SGCD: variants seen among roughly 807,000 people sequenced by gnomAD.
The protein encoded by SGCD is sarcoglycan delta.
SGCD carries 18 observed loss-of-function variants against 36.6 expected under a neutral mutation model. The ratio of observed to expected loss-of-function variants is 0.49; its 90% CI spans 0.34 to 0.73. The LOEUF (loss-of-function observed/expected upper bound fraction) is 0.73. SGCD is among the 30% of genes least tolerant of loss of function. SGCD has a pLI of 0.01. For missense variants in SGCD, 387 were observed against 346.7 expected, an observed-to-expected ratio of 1.12 and a Z score of -0.92; for synonymous variants, 133 against 130.6, an observed-to-expected ratio of 1.02 and a Z score of -0.12.
At chr5:156,686,033 G>T (rs1281791096) in intron 7 of SGCD, among the ~76,000 whole-genome samples, 2 of 152,024 alleles carry the variant, frequency 1.3e-5, no homozygotes, top group Admixed American at 1.3e-4. Context: ...TAAAATAAAA[G>T]TTTTTAAAAA....
At chr5:156,581,658 C>T (rs1386425818) in intron 4 of SGCD, among the ~76,000 whole-genome samples, 1 of 152,168 alleles carries the variant, frequency 6.6e-6, no homozygotes, top group African/African-American at 2.4e-5. Flanking sequence ...CAGGCTGCTG[C>T]CTCGCAGGTT....
At chr5:156,103,059 T>C (rs1581100760) in intron 1 of SGCD, among the ~76,000 whole-genome samples, 1 of 152,262 alleles carries the variant, frequency 6.6e-6, no homozygotes, top group South Asian at 2.1e-4. Context: ...TGCTATAAGG[T>C]TTTTATGCAA....
At chr5:156,635,101 G>A (rs561795807) in intron 6 of SGCD, among the ~76,000 whole-genome samples, 4 of 151,662 alleles carry the variant, frequency 2.6e-5, no homozygotes, top group South Asian at 2.1e-4. Context: ...GACATGTCCC[G>A]GTAGTCAAGC....
At chr5:155,863,590 T>G in the SGCD span, among the ~76,000 whole-genome samples, 1 of 98,588 alleles carries the variant, frequency 1.0e-5, no homozygotes, top group Admixed American at 8.8e-5. Flanking sequence ...ATTATTAGTC[T>G]TCATTCCCAG....
At chr5:156,728,371 G>A (rs1250418347) in intron 7 of SGCD, among the ~76,000 whole-genome samples, 1 of 151,868 alleles carries the variant, frequency 6.6e-6, no homozygotes, top group Non-Finnish European at 1.5e-5. Context: ...AACTAGCCGA[G>A]TGTGGTGGCA....
intron 7 of SGCD, among the ~76,000 whole-genome samples, chr5:156,729,176 A>G (rs962689394): frequency 3.3e-5 from 5 of 152,234 alleles, no homozygotes; most frequent in Admixed American, 6.5e-5. Context: ...AAGATGGCAT[A>G]TGCTATATAT....
the SGCD span, among the ~76,000 whole-genome samples, chr5:155,800,254 A>G: frequency 6.6e-6 from 1 of 152,140 alleles, no homozygotes; most frequent in African/African-American, 2.4e-5. Flanking sequence ...TTGTTGCTCA[A>G]TGCTGTATCC....
At chr5:155,767,358 G>T in the SGCD span, among the ~76,000 whole-genome samples, 2 of 152,172 alleles carry the variant, frequency 1.3e-5, no homozygotes, top group African/African-American at 4.8e-5. Context: ...CATTGCATCC[G>T]CTTCTCACCC....
intron 7 of SGCD, among the ~76,000 whole-genome samples, chr5:156,733,198 A>G (rs990778911): frequency 2.0e-5 from 3 of 151,956 alleles, no homozygotes; most frequent in Non-Finnish European, 4.4e-5. Context: ...ATTTAGCGCT[A>G]TCAATTTCCC....
intron 3 of SGCD, among the ~76,000 whole-genome samples, chr5:156,397,088 T>G (rs1236202240): frequency 1.3e-5 from 2 of 152,206 alleles, no homozygotes; most frequent in Non-Finnish European, 2.9e-5. Flanking sequence ...TTGATCAGGT[T>G]CTCATCCCTG....
At chr5:155,813,766 C>A in the SGCD span, among the ~76,000 whole-genome samples, 1 of 152,124 alleles carries the variant, frequency 6.6e-6, no homozygotes, top group Admixed American at 6.5e-5. Context: ...GTCTGGTAGC[C>A]TCTTCATGTA....
At chr5:156,527,966 T>C (rs1209534841) in intron 4 of SGCD, among the ~76,000 whole-genome samples, 1 of 152,270 alleles carries the variant, frequency 6.6e-6, no homozygotes, top group African/African-American at 2.4e-5. Flanking sequence ...ATCTAAAATA[T>C]ATCTCTGACC....
At chr5:155,772,051 A>G in the SGCD span, among the ~76,000 whole-genome samples, 2 of 152,200 alleles carry the variant, frequency 1.3e-5, no homozygotes, top group South Asian at 2.1e-4. Flanking sequence ...CCAAATTCAA[A>G]GTGGAGAATA....
the SGCD span, among the ~76,000 whole-genome samples, chr5:155,806,626 T>G: frequency 1.3e-5 from 2 of 152,238 alleles, no homozygotes; most frequent in African/African-American, 4.8e-5. Context: ...ATTATCATGA[T>G]GAAATTGAAT....
intron 1 of SGCD, among the ~76,000 whole-genome samples, chr5:155,980,089 C>G (rs1298275645): frequency 6.6e-6 from 1 of 152,150 alleles, no homozygotes; most frequent in Non-Finnish European, 1.5e-5. Flanking sequence ...AATTAGCAGT[C>G]TGCATCCCCA....
At chr5:156,444,180 C>T (rs540339859) in intron 3 of SGCD, among the ~76,000 whole-genome samples, 19 of 138,954 alleles carry the variant, frequency 1.4e-4, no homozygotes, top group African/African-American at 5.0e-4. Context: ...CTCTCCTTCC[C>T]TCTCTCTCTC....
rs190322562 is a variant in SGCD at position 156,492,563 on chromosome 5, A to T, written c.193-16038A>T. On this transcript the variant is annotated intron_variant, in intron 3 of 8. Transcript: ENST00000337851. ...ATAGATATTTACTATGTACAACATGATTTTTTTAAAAATTATTATACTTTA... is the reference window on the plus strand; with the variant it reads ...ATAGATATTTACTATGTACAACATGTTTTTTTTAAAAATTATTATACTTTA... Among the ~76,000 whole-genome samples, 426 of 152,202 alleles carry T rather than the reference A, an allele frequency of 2.8e-3. 1 individual carries two copies. The highest frequency in any genetic ancestry group is 4.8e-3 in the Non-Finnish European group (326 of 67,998).
chr5:156,119,121 A>G (rs1284333084), intron 2 of SGCD, among the ~76,000 whole-genome samples: 3 of 152,250 alleles, frequency 2.0e-5, no homozygotes, highest in Admixed American at 6.5e-5. Flanking sequence ...GAGGAAATGT[A>G]CCTTCTTCTA....
intron 3 of SGCD, among the ~76,000 whole-genome samples, chr5:156,462,092 A>C (rs983504197): frequency 2.0e-5 from 3 of 152,200 alleles, no homozygotes; most frequent in Non-Finnish European, 4.4e-5. Flanking sequence ...GACAAAAGAA[A>C]TGGATGGGAG....
Sources: allele counts gnomAD v4.1 joint callset (sites outside exome capture counted in the v4.1 genomes callset), GRCh38; gene constraint gnomAD v4.1.1; transcripts MANE v1.5; gene names NCBI Gene and HGNC (gene_info 2026-07-23, HGNC 2026-07-21).